Variants in ADGRF4 observed in about 807,000 individuals in gnomAD.
ADGRF4 encodes adhesion G protein-coupled receptor F4.
ADGRF4 carries 63 observed loss-of-function variants against 58.5 expected under a neutral mutation model. That is an observed-to-expected ratio of 1.08 (90% CI 0.88 to 1.33). ADGRF4 has a LOEUF of 1.33. Among genes scored for constraint, ADGRF4 ranks in the 40% most tolerant of loss-of-function variants. The pLI, the probability that ADGRF4 is intolerant of heterozygous loss-of-function variation, is 0.00. For synonymous variants in ADGRF4, 313 were observed against 295.4 expected, an observed-to-expected ratio of 1.06 and a Z score of -0.61; for missense variants, 931 against 843.9, an observed-to-expected ratio of 1.10 and a Z score of -1.28.
intron 5 of ADGRF4, 139 bp from the exon 6 acceptor site, chr6:47,713,659 C>G: frequency 1.6e-6 from 1 of 623,274 alleles, no homozygotes; most frequent in Non-Finnish European, 2.6e-6. Flanking sequence ...AATGTGGATT[C>G]TAATACATAG....
intron 9 of ADGRF4, among the ~76,000 whole-genome samples, chr6:47,720,154 G>A (rs1031339172): frequency 6.6e-6 from 1 of 152,114 alleles, no homozygotes. Flanking sequence ...CACACTAGAT[G>A]ATCCTCCAAA....
intron 1 of ADGRF4, among the ~76,000 whole-genome samples, chr6:47,704,058 T>C (rs1421963921): frequency 6.6e-6 from 1 of 152,090 alleles, no homozygotes; most frequent in African/African-American, 2.4e-5. Context: ...CTATTCTTTT[T>C]TTTTTTTTGA....
At chr6:47,710,988 C>A (rs758654844) in intron 4 of ADGRF4, 102 bp downstream of exon 4, 5 of 1,109,544 alleles carry the variant, frequency 4.5e-6, no homozygotes, top group African/African-American at 1.6e-5. Flanking sequence ...GTCTCAGATC[C>A]GCACTTAGAA....
At chr6:47,698,982 T>C (rs1771524796) in intron 1 of ADGRF4, among the ~76,000 whole-genome samples, 188 bp downstream of exon 1, 1 of 152,248 alleles carries the variant, frequency 6.6e-6, no homozygotes, top group African/African-American at 2.4e-5. Flanking sequence ...AAGCCTCTTT[T>C]ACGTTTGTTT....
At chr6:47,699,628 A>G (rs1771540420) in intron 1 of ADGRF4, among the ~76,000 whole-genome samples, 1 of 152,244 alleles carries the variant, frequency 6.6e-6, no homozygotes, top group Non-Finnish European at 1.5e-5. Flanking sequence ...GCTGGAAGCC[A>G]TCTAAAGTAG....
Position 47,712,415 on chromosome 6 carries a change from T to C in ADGRF4, c.359T>C (p.Leu120Pro). 6.2e-7 allele frequency: 1 copy of C among 1,614,012 alleles called. No homozygotes were observed. The highest frequency in any genetic ancestry group is 8.5e-7 in the Non-Finnish European group (1 of 1,179,866). ...VAAPSIPLHI[L>P]DFRAPETIES... ...GCACCATCTATACCTCTGCATATTC[T>C]AGACTTTCGAGCTCCAGAGACCATT... is the stretch of plus-strand genomic sequence containing the variant. The change falls in exon 5 of 10, where the codon CTA becomes CCA. Residue 120 changes from leucine (L) to proline (P), a missense_variant. Transcript: ENST00000283303.
At position 47,709,537 on chromosome 6, in the gene ADGRF4, A is replaced by G. The variant is rs141230494; in HGVS notation, c.149-1198A>G. ...CCTGATTAAATTTGAATTTCAGATA[A>G]ACAATGAATAATATCGCATGGGTCA... On this transcript the variant is annotated intron_variant, in intron 3 of 9. Coordinates refer to ENST00000283303, the MANE Select transcript of ADGRF4 (RefSeq NM_153838.5). 9.9e-4 allele frequency among the ~76,000 whole-genome samples: 151 copies of G among 152,384 alleles called. 1 individual carries two copies. Among genetic ancestry groups the G allele is most frequent in the Middle Eastern group, 6.8e-3 (2 of 294 alleles).
At chr6:47,700,255 C>T (rs1011743363) in intron 1 of ADGRF4, among the ~76,000 whole-genome samples, 2 of 152,206 alleles carry the variant, frequency 1.3e-5, no homozygotes, top group Admixed American at 6.5e-5. Context: ...TTACAGTTCC[C>T]AGCTGACCTT....
chr6:47,705,464 A>T (rs1771688072), intron 1 of ADGRF4, among the ~76,000 whole-genome samples: 1 of 152,150 alleles, frequency 6.6e-6, no homozygotes, highest in African/African-American at 2.4e-5. Flanking sequence ...AGCTCCTATC[A>T]AATCTATTAC....
intron 3 of ADGRF4, among the ~76,000 whole-genome samples, chr6:47,709,448 C>T (rs1678798109): frequency 6.6e-6 from 1 of 152,128 alleles, no homozygotes; most frequent in Non-Finnish European, 1.5e-5. Flanking sequence ...ATATGGCCTG[C>T]AAAGCTGAAA....
At chr6:47,710,945 A>G (rs550422964) in intron 4 of ADGRF4, 59 bp downstream of exon 4, 3 of 1,465,836 alleles carry the variant, frequency 2.0e-6, no homozygotes, top group East Asian at 2.3e-5. Flanking sequence ...AAGTAGACAC[A>G]TTTTTAATGT....
At chr6:47,709,849 G>GTTTTTTTTTTTTTTTTT (rs71305748) in intron 3 of ADGRF4, among the ~76,000 whole-genome samples, 1 of 147,530 alleles carries the variant, frequency 6.8e-6, no homozygotes. Flanking sequence ...TAGCATCACA[G>GTTTTTTTTTTTTTTTTT]TTTTTTTTTT....
chr6:47,708,432 C>G (rs894356641), intron 3 of ADGRF4, among the ~76,000 whole-genome samples, 154 bp downstream of exon 3: 7 of 152,222 alleles, frequency 4.6e-5, no homozygotes, highest in Admixed American at 1.3e-4. Context: ...GATAGATTCT[C>G]TTACATTTAT....
chr6:47,719,567 TA>T (rs1243263100), intron 9 of ADGRF4, among the ~76,000 whole-genome samples: 1 of 152,188 alleles, frequency 6.6e-6, no homozygotes, highest in African/African-American at 2.4e-5. Context: ...AATGACCTAT[TA>T]AAAACACAGC....
chr6:47,707,251 A>G lies in ADGRF4; in HGVS notation c.6A>G (p.Lys2=), dbSNP rs1358992086. Residue 2 remains lysine (K), a synonymous_variant, in exon 2 of 10, where the codon AAA becomes AAG. Transcript: ENST00000283303. The part of the protein sequence containing the change: M[K]MKSQATMICC... ...GCAGGTGAAGATCCTCATGTATGAA[A>G]ATGAAGTCCCAGGCAACCATGATTT... 1 of 1,608,784 alleles carries G rather than the reference A, an allele frequency of 6.2e-7. No individual in the cohort carries two copies. The highest frequency in any genetic ancestry group is 1.1e-5 in the South Asian group (1 of 90,962).
rs1403336044 is a variant in ADGRF4 at position 47,715,103 on chromosome 6, T to G, written c.1858T>G (p.Phe620Val). ...LTPLLGLTWG[F>V]GIATLIEGTS... The stretch of plus-strand genomic sequence containing the variant: ...TCCACTGCTGGGACTGACCTGGGGT[T>G]TTGGAATAGCCACTCTCATAGAAGG... Residue 620 changes from phenylalanine (F) to valine (V), a missense_variant, in exon 6 of 10, where the codon TTT becomes GTT. Phe to Val is a conservative substitution (Grantham distance 50, BLOSUM62 -1). Coordinates refer to ENST00000283303, the MANE Select transcript of ADGRF4 (RefSeq NM_153838.5). 3 of 1,608,060 alleles carry G rather than the reference T, an allele frequency of 1.9e-6. No homozygotes were observed. In the African/African-American group the frequency reaches 4.0e-5, roughly 21 times the overall value.
intron 3 of ADGRF4, 112 bp from the exon 4 acceptor site, chr6:47,710,623 C>A: frequency 9.4e-7 from 1 of 1,065,026 alleles, no homozygotes; most frequent in Non-Finnish European, 1.4e-6. Flanking sequence ...ACCCAATTGC[C>A]TCCTCCAGGA....
At position 47,714,621 on chromosome 6, in the gene ADGRF4, T is replaced by A; in HGVS notation, c.1376T>A (p.Ile459Lys). ...CTGACTGCCAATGTGTGGTTTATCA[T>A]AGGCTCTCACTTTAACATTAAGGCC... ...SLLTANVWFIIGSHFNIKAQD... is the reference protein window; with the variant it reads ...SLLTANVWFIKGSHFNIKAQD... Residue 459 changes from isoleucine (I) to lysine (K), a missense_variant, in exon 6 of 10, where the codon ATA (isoleucine) becomes AAA (lysine). Coordinates refer to ENST00000283303, the MANE Select transcript of ADGRF4 (RefSeq NM_153838.5). 1.2e-6 allele frequency: 2 copies of A among 1,614,222 alleles called. No individual in the cohort carries two copies. The highest frequency in any genetic ancestry group is 1.1e-5 in the South Asian group (1 of 91,088).
intron 3 of ADGRF4, among the ~76,000 whole-genome samples, chr6:47,708,896 G>C (rs957138753): frequency 2.0e-5 from 3 of 152,142 alleles, no homozygotes; most frequent in Non-Finnish European, 4.4e-5. Context: ...ACATTTACTG[G>C]GCATTTAAGA....
Sources: allele counts gnomAD v4.1 joint callset (sites outside exome capture counted in the v4.1 genomes callset), GRCh38; gene constraint gnomAD v4.1.1; transcripts MANE v1.5; gene names NCBI Gene and HGNC (gene_info 2026-07-23, HGNC 2026-07-21).